PRDM16: variants seen among roughly 807,000 people sequenced by gnomAD.
PRDM16 encodes histone-lysine N-methyltransferase PRDM16.
PRDM16 carries 23 observed loss-of-function variants against 110.6 expected under a neutral mutation model. The observed-to-expected ratio is 0.21, with a 90% CI of 0.15 to 0.29. The LOEUF is 0.29. Ranked by LOEUF, PRDM16 falls within the 10% of genes least tolerant of loss-of-function variation. The probability of loss-of-function intolerance (pLI) is 1.00; values close to 1 mark genes in which losing one functional copy is unlikely to be tolerated. For missense variants in PRDM16, 1,615 were observed against 1,794.3 expected, an observed-to-expected ratio of 0.90 and a Z score of 1.81; for synonymous variants, 799 against 781.8, an observed-to-expected ratio of 1.02 and a Z score of -0.37.
At position 3,165,198 on chromosome 1, in the gene PRDM16, T is replaced by C. The variant is rs117719590; in HGVS notation, c.38-20927T>C. Among the ~76,000 whole-genome samples the C allele has an allele frequency of 3.0e-3, 415 of 137,724 alleles. 4 individuals are homozygous for C. The highest frequency in any genetic ancestry group is 0.019 in the East Asian group (64 of 3,346). The allele number at this position is 137,724 out of a possible 152,430, so 90.4% of individuals were successfully genotyped here. ...TTACCTAGGCCCAGGGACAGGGACT[T>C]ACCTGGCCTCAGGGGCATGGACTCA... On this transcript the variant is annotated intron_variant, in intron 1 of 16. Coordinates refer to ENST00000270722, the MANE Select transcript of PRDM16 (RefSeq NM_022114.4).
At chr1:3,083,394 G>A (rs1221026531) in intron 1 of PRDM16, among the ~76,000 whole-genome samples, 1 of 152,248 alleles carries the variant, frequency 6.6e-6, no homozygotes, top group Non-Finnish European at 1.5e-5. Context: ...GGGGCCTGCT[G>A]TGTGCCGGGC....
chr1:3,338,168 C>T (rs574975849), intron 3 of PRDM16, among the ~76,000 whole-genome samples: 12 of 152,368 alleles, frequency 7.9e-5, no homozygotes, highest in African/African-American at 2.4e-4. Context: ...GAGAAACAGG[C>T]GCAGCCGAAT....
At chr1:3,402,205 C>A (rs10909942) in intron 5 of PRDM16, among the ~76,000 whole-genome samples, 1 of 151,900 alleles carries the variant, frequency 6.6e-6, no homozygotes, top group Non-Finnish European at 1.5e-5. Flanking sequence ...GGGGGGTCTC[C>A]CGTCTTAGGT....
rs1643533517 is a variant in PRDM16, at chr1:3,404,869, T to C, written c.1015T>C (p.Cys339Arg). The change falls in exon 7 of 17, where the codon TGT becomes CGT. Residue 339 changes from cysteine (C) to arginine (R), a missense_variant. Cys to Arg is a radical substitution (Grantham distance 180). This residue lies in a region of PRDM16 where 82 missense variants were observed against 144.4 expected (regional missense o/e 0.57). Coordinates refer to ENST00000270722, the MANE Select transcript of PRDM16 (RefSeq NM_022114.4). ...MSHDSGKRFE[C>R]ENCVKVFTDP... ...CCACGACAGCGGCAAACGCTTCGAATGTGAAAACTGCGTGAAGGTAACCTG... is the reference window on the plus strand; with the variant it reads ...CCACGACAGCGGCAAACGCTTCGAACGTGAAAACTGCGTGAAGGTAACCTG... 2 of 1,613,026 alleles carry C rather than the reference T, an allele frequency of 1.2e-6. No individual in the cohort carries two copies. The highest frequency in any genetic ancestry group is 2.2e-5 in the East Asian group (1 of 44,886).
At chr1:3,181,332 A>G (rs1478046289) in intron 1 of PRDM16, among the ~76,000 whole-genome samples, 2 of 132,794 alleles carry the variant, frequency 1.5e-5, no homozygotes, top group Non-Finnish European at 1.6e-5. Context: ...AATCTTACAC[A>G]AGCAGTCTTA....
Position 3,431,986 on chromosome 1 carries a change from G to T in PRDM16, c.3542G>T (p.Gly1181Val), listed in dbSNP as rs1638781354. ...TGCAGGTGTGCTGAGGACCACGAAG[G>T]CGGTCTGTTAGCTTTGGAGCCGATG... Reference protein sequence around the residue: ...HTRRCAEDHEGGLLALEPMPT... With the variant: ...HTRRCAEDHEVGLLALEPMPT... The change falls in exon 16 of 17, where the codon GGC (glycine) becomes GTC (valine). Residue 1181 changes from glycine (G) to valine (V), a missense_variant. Transcript: ENST00000270722. The T allele has an allele frequency of 1.2e-6, 2 of 1,613,656 alleles. No individual in the cohort carries two copies. Among genetic ancestry groups the T allele is most frequent in the African/African-American group, 1.3e-5 (1 of 75,062 alleles).
At chr1:3,331,870 C>T (rs1642048279) in intron 3 of PRDM16, among the ~76,000 whole-genome samples, 2 of 152,192 alleles carry the variant, frequency 1.3e-5, no homozygotes, top group Non-Finnish European at 2.9e-5. Flanking sequence ...CACACAGCCC[C>T]GGGGGGCCTC....
intron 2 of PRDM16, among the ~76,000 whole-genome samples, chr1:3,202,507 C>T (rs578054600): frequency 6.6e-6 from 1 of 152,272 alleles, no homozygotes; most frequent in Admixed American, 6.5e-5. Flanking sequence ...AGAGCAGACA[C>T]CTGCTCGAGC....
intron 3 of PRDM16, among the ~76,000 whole-genome samples, chr1:3,300,608 C>T (rs1188786442): frequency 3.3e-5 from 5 of 152,238 alleles, no homozygotes; most frequent in African/African-American, 1.2e-4. Flanking sequence ...GCCTCGGAAC[C>T]GCGGTGCAAC....
At position 3,436,139 on chromosome 1, in the gene PRDM16, A is replaced by G; in HGVS notation, c.*2328A>G. On this transcript the variant is annotated 3_prime_UTR_variant, in exon 17 of 17. Coordinates refer to ENST00000270722, the MANE Select transcript of PRDM16 (RefSeq NM_022114.4). ...TATAAAAATTCAACCTCAGACATAA[A>G]CACCCCATTTCTGTAAACCCAAATT... 1 of 229,416 alleles carries G rather than the reference A, an allele frequency of 4.4e-6. No individual in the cohort carries two copies. The highest frequency in any genetic ancestry group is 8.6e-6 in the Non-Finnish European group (1 of 115,954). 14.2% of individuals were successfully genotyped at this position (229,416 alleles called of 1,614,324 possible).
intron 5 of PRDM16, among the ~76,000 whole-genome samples, chr1:3,397,533 C>T (rs1394849260): frequency 6.6e-6 from 1 of 152,266 alleles, no homozygotes; most frequent in African/African-American, 2.4e-5. Flanking sequence ...GAGGCCCTGG[C>T]CCGTCGGCTC....
At chr1:3,111,309 T>C (rs1642786376) in intron 1 of PRDM16, among the ~76,000 whole-genome samples, 1 of 151,960 alleles carries the variant, frequency 6.6e-6, no homozygotes. Context: ...GGCCTCTGTG[T>C]GATCCTGCAC....
chr1:3,184,105 C>T (rs997060497), intron 1 of PRDM16, among the ~76,000 whole-genome samples: 3 of 152,062 alleles, frequency 2.0e-5, no homozygotes, highest in African/African-American at 4.8e-5. Context: ...GGAACAGCAG[C>T]GGCAGTTCTG....
At chr1:3,082,522 C>T (rs1477931003) in intron 1 of PRDM16, among the ~76,000 whole-genome samples, 1 of 152,192 alleles carries the variant, frequency 6.6e-6, no homozygotes, top group Non-Finnish European at 1.5e-5. Context: ...GATGGGGTTC[C>T]GGGGAAACCT....
At chr1:3,219,599 G>A (rs575658650) in intron 2 of PRDM16, among the ~76,000 whole-genome samples, 5 of 152,286 alleles carry the variant, frequency 3.3e-5, no homozygotes, top group African/African-American at 7.2e-5. Flanking sequence ...TGCAGTGTTC[G>A]GGAACAGGAC....
chr1:3,325,930 C>T lies in PRDM16; in HGVS notation c.439-59222C>T, dbSNP rs778596823. Among the ~76,000 whole-genome samples the T allele has an allele frequency of 6.8e-4, 75 of 110,868 alleles. 2 individuals are homozygous for T. Among genetic ancestry groups the T allele is most frequent in the Non-Finnish European group, 9.1e-4 (48 of 52,818 alleles). The allele number at this position is 110,868 out of a possible 152,430, so 72.7% of individuals were successfully genotyped here. A position where few individuals can be genotyped will look rare whatever the true frequency, so the allele number is the denominator to read the frequency against. On this transcript the variant is annotated intron_variant, in intron 3 of 16. Coordinates refer to ENST00000270722, the MANE Select transcript of PRDM16 (RefSeq NM_022114.4). ...TGGCCCTCCTTGGCCCTCCTCGGCC[C>T]TCTTGGCCCTCCTTGGCCATCCTCG...
chr1:3,232,661 A>G (rs1639444530), intron 2 of PRDM16, among the ~76,000 whole-genome samples: 1 of 152,186 alleles, frequency 6.6e-6, no homozygotes, highest in Non-Finnish European at 1.5e-5. Context: ...GGGTAGTGAC[A>G]CTGGCAGCTG....
intron 3 of PRDM16, among the ~76,000 whole-genome samples, chr1:3,276,670 AGGTGCCGTGAACAGAGCCAGCGAGG>A (rs70938081): frequency 1.4e-5 from 2 of 143,838 alleles, no homozygotes; most frequent in Non-Finnish European, 1.5e-5. Flanking sequence ...AGCCAGCTCG[AGGTGCCGTGAACAGAGCCAGCGAGG>A]GGTGCCGTGA....
At chr1:3,078,357 C>G (rs1455069947) in intron 1 of PRDM16, among the ~76,000 whole-genome samples, 2 of 152,236 alleles carry the variant, frequency 1.3e-5, no homozygotes, top group East Asian at 1.9e-4. Flanking sequence ...CAGCTCCACA[C>G]AGACTCTGTG....
Sources: allele counts gnomAD v4.1 joint callset (sites outside exome capture counted in the v4.1 genomes callset), GRCh38; gene constraint gnomAD v4.1.1; regional missense constraint gnomAD v4.1.1; transcripts MANE v1.5; gene names NCBI Gene and HGNC (gene_info 2026-07-23, HGNC 2026-07-21).